HS3ST4: variants seen among roughly 807,000 people sequenced by gnomAD.
HS3ST4 encodes heparan sulfate glucosamine 3-O-sulfotransferase 4.
HS3ST4 carries 17 observed loss-of-function variants against 29.2 expected under a neutral mutation model. The ratio of observed to expected loss-of-function variants is 0.58; its 90% CI spans 0.40 to 0.87. The LOEUF (loss-of-function observed/expected upper bound fraction) is 0.87, where lower values mean the gene tolerates loss of function less well. Among genes scored for constraint, HS3ST4 ranks in the 40% least tolerant of loss-of-function variants. The pLI is 0.00. For synonymous variants in HS3ST4, 314 were observed against 285.7 expected, an observed-to-expected ratio of 1.10 and a Z score of -1.00; for missense variants, 627 against 634.5, an observed-to-expected ratio of 0.99 and a Z score of 0.13.
chr16:25,867,402 G>C (rs150471507), intron 1 of HS3ST4, among the ~76,000 whole-genome samples: 1 of 152,140 alleles, frequency 6.6e-6, no homozygotes, highest in Non-Finnish European at 1.5e-5. Context: ...TCAACTCTTA[G>C]ATTTGAAACT....
intron 1 of HS3ST4, among the ~76,000 whole-genome samples, chr16:25,785,540 C>T (rs1041611374): frequency 1.1e-4 from 17 of 152,056 alleles, no homozygotes; most frequent in African/African-American, 2.9e-4. Flanking sequence ...TAAATTGTGG[C>T]GAGTATTTCA....
chr16:25,800,054 T>TTGCCTTCC (rs1966917316), intron 1 of HS3ST4, among the ~76,000 whole-genome samples: 1 of 147,824 alleles, frequency 6.8e-6, no homozygotes, highest in Admixed American at 6.7e-5. Context: ...TCCTTCCTTC[T>TTGCCTTCC]TGCCTTCCTG....
chr16:25,840,805 T>A (rs117752202), intron 1 of HS3ST4, among the ~76,000 whole-genome samples: 2,457 of 151,584 alleles, frequency 0.016, 22 homozygotes, highest in Middle Eastern at 0.024. Context: ...CACTGTGGAG[T>A]TTTTATTGGT....
chr16:26,117,533 T>A (rs1213244096), intron 1 of HS3ST4, among the ~76,000 whole-genome samples: 4 of 152,256 alleles, frequency 2.6e-5, no homozygotes, highest in Non-Finnish European at 5.9e-5. Flanking sequence ...TATCTGCATT[T>A]CATGGCTGAG....
intron 1 of HS3ST4, among the ~76,000 whole-genome samples, chr16:25,978,444 T>C (rs960155409): frequency 6.6e-6 from 1 of 152,262 alleles, no homozygotes; most frequent in African/African-American, 2.4e-5. Context: ...ATGTCTGTGT[T>C]ACAATAAAAC....
chr16:25,800,447 TTCTC>T (rs1966922364), intron 1 of HS3ST4, among the ~76,000 whole-genome samples: 1 of 151,762 alleles, frequency 6.6e-6, no homozygotes. Flanking sequence ...TCCCACCTCT[TTCTC>T]TCTCTGATGG....
chr16:25,788,996 C>G (rs1966862338), intron 1 of HS3ST4, among the ~76,000 whole-genome samples: 1 of 151,960 alleles, frequency 6.6e-6, no homozygotes, highest in Non-Finnish European at 1.5e-5. Context: ...TCTCATTGGC[C>G]CAATTTGGGT....
chr16:25,889,390 A>G (rs1967985857), intron 1 of HS3ST4, among the ~76,000 whole-genome samples: 2 of 152,180 alleles, frequency 1.3e-5, no homozygotes, highest in South Asian at 4.1e-4. Context: ...CAGACTTGCT[A>G]GAGAAGATTG....
chr16:25,890,699 A>T (rs752320281), intron 1 of HS3ST4, among the ~76,000 whole-genome samples: 4 of 152,208 alleles, frequency 2.6e-5, no homozygotes, highest in Non-Finnish European at 5.9e-5. Context: ...ACCTAACTGC[A>T]TGACCAAACA....
intron 1 of HS3ST4, among the ~76,000 whole-genome samples, chr16:25,842,374 C>T (rs992847476): frequency 2.0e-5 from 3 of 152,210 alleles, no homozygotes; most frequent in Non-Finnish European, 4.4e-5. Context: ...ACAACATGGA[C>T]TTCTTCCAAT....
Position 25,786,901 on chromosome 16 carries a change from G to GA in HS3ST4, c.734+93756dup, listed in dbSNP as rs1224159671. ...GGGGATGCTGTCAGCAGCATGAATGGAAAAAATTACTTTTATGAACAGCAG... is the reference window on the plus strand; with the variant it reads ...GGGGATGCTGTCAGCAGCATGAATGGAAAAAAATTACTTTTATGAACAGCAG... On this transcript the variant is annotated intron_variant, in intron 1 of 1. Coordinates refer to ENST00000331351, the MANE Select transcript of HS3ST4 (RefSeq NM_006040.3). Among the ~76,000 whole-genome samples, 11 of 152,204 alleles carry GA rather than the reference G, an allele frequency of 7.2e-5. No individual in the cohort carries two copies. The South Asian group carries it at 8.3e-4, about 11-fold the overall frequency.
intron 1 of HS3ST4, among the ~76,000 whole-genome samples, chr16:26,111,386 G>A (rs1899127124): frequency 1.0e-5 from 1 of 97,470 alleles, no homozygotes; most frequent in Admixed American, 1.2e-4. Context: ...TGGCCAGAAG[G>A]AGGTCTTTTT....
At chr16:26,031,972 A>G (rs144457408) in intron 1 of HS3ST4, among the ~76,000 whole-genome samples, 2 of 152,348 alleles carry the variant, frequency 1.3e-5, no homozygotes, top group Admixed American at 1.3e-4. Context: ...TTCACAAGCC[A>G]TCTCTGACTT....
In HS3ST4 at chr16:25,913,506, A is replaced by G. The variant is rs557416156; in HGVS notation, c.734+220355A>G. Among the ~76,000 whole-genome samples the G allele has an allele frequency of 1.5e-4, 23 of 152,316 alleles. No homozygotes were observed. The South Asian group carries it at 4.8e-3, about 32-fold the overall frequency. On this transcript the variant is annotated intron_variant, in intron 1 of 1. Coordinates refer to ENST00000331351, the MANE Select transcript of HS3ST4 (RefSeq NM_006040.3). ...TCTGTGTGTGTTGTTTATTAGCCAC[A>G]CAGTTTATGGCCTTTGGTTATAGCA...
rs560144705 is a variant in HS3ST4, at chr16:25,965,279, C to T, written c.735-170333C>T. The stretch of plus-strand genomic sequence containing the variant: ...GCAAGTCCACTCATGAAGCCATGAG[C>T]AGAGGGGGCTCTGCTGTTCCTAGGG... On this transcript the variant is annotated intron_variant, in intron 1 of 1. Transcript: ENST00000331351. Among the ~76,000 whole-genome samples, 23 of 151,678 alleles carry T rather than the reference C, an allele frequency of 1.5e-4. No individual in the cohort carries two copies. In the East Asian group the frequency reaches 3.9e-3, roughly 26 times the overall value.
chr16:25,770,044 G>A (rs1966839950), intron 1 of HS3ST4, among the ~76,000 whole-genome samples: 1 of 152,170 alleles, frequency 6.6e-6, no homozygotes, highest in Admixed American at 6.5e-5. Context: ...AGGATGTATT[G>A]TTTGGTTGTT....
chr16:25,931,700 C>G (rs1212317516), intron 1 of HS3ST4, among the ~76,000 whole-genome samples: 3 of 152,196 alleles, frequency 2.0e-5, no homozygotes, highest in Non-Finnish European at 2.9e-5. Context: ...CAGATAGATT[C>G]TGTTTGGTGG....
rs533546276 is a variant in HS3ST4, at chr16:25,692,305, A to AGCGGCG, written c.-84_-79dup. ...CTTCATGCAGCCGGGGCGGCTGGGC[A>AGCGGCG]GCGGCGGCGGCGGCGGCGGCGGCGG... On this transcript the variant is annotated 5_prime_UTR_variant, in exon 1 of 2. Transcript: ENST00000331351. 241 of 146,484 alleles carry AGCGGCG rather than the reference A, an allele frequency of 1.6e-3. 3 individuals carry two copies. The highest frequency in any genetic ancestry group is 5.5e-3 in the African/African-American group (198 of 36,312). 9.1% of individuals were successfully genotyped at this position (146,484 alleles called of 1,614,324 possible).
chr16:25,790,010 C>T (rs1044641758), intron 1 of HS3ST4, among the ~76,000 whole-genome samples: 1 of 152,172 alleles, frequency 6.6e-6, no homozygotes, highest in African/African-American at 2.4e-5. Flanking sequence ...CTATTATAAA[C>T]AGTGCTGCTA....
Sources: allele counts gnomAD v4.1 joint callset (sites outside exome capture counted in the v4.1 genomes callset), GRCh38; gene constraint gnomAD v4.1.1; transcripts MANE v1.5; gene names NCBI Gene and HGNC (gene_info 2026-07-23, HGNC 2026-07-21).